The following ARMH4 variants were observed in gnomAD, a reference collection of about 807,000 sequenced individuals.
ARMH4 encodes the protein armadillo-like helical domain-containing protein 4.
In ARMH4, 49 loss-of-function variants were observed where a neutral mutation model predicts 61.9. The ratio of observed to expected loss-of-function variants is 0.79; its 90% CI spans 0.63 to 1.00. The LOEUF is 1.00. Among genes scored for constraint, ARMH4 ranks in the 50% least tolerant of loss-of-function variants. The pLI is 0.00. For synonymous variants in ARMH4, 368 were observed against 341.5 expected (o/e 1.08, Z -0.85); for missense variants, 934 against 930.0 (o/e 1.00, Z -0.06).
chr14:58,049,590 T>C (rs1265992202), intron 5 of ARMH4, among the ~76,000 whole-genome samples: 1 of 152,148 alleles, frequency 6.6e-6, no homozygotes, highest in Non-Finnish European at 1.5e-5. Flanking sequence ...GATGCAGAGA[T>C]GATTATGACC....
chr14:58,080,190 C>T lies in ARMH4; in HGVS notation c.2089+16534G>A, dbSNP rs534486720. On this transcript the variant is annotated intron_variant, in intron 5 of 7. Transcript: ENST00000267485. ...TGTTGCCCAGGCTGGAGTGCAATGG[C>T]GCAATCTCAGCTCACCGCAACCTCC... Among the ~76,000 whole-genome samples the T allele has an allele frequency of 2.0e-4, 31 of 151,658 alleles. No homozygotes were observed. The South Asian group carries it at 5.2e-3, about 26-fold the overall frequency.
In ARMH4 at chr14:58,138,212, C is replaced by G; in HGVS notation, c.1147G>C (p.Ala383Pro). Residue 383 changes from alanine to proline, a missense_variant, in exon 2 of 8, where the codon GCG becomes CCG. Coordinates refer to ENST00000267485, the MANE Select transcript of ARMH4 (RefSeq NM_001001872.4). ...GCAGGTGATCTCTCATTCCCATGCG[C>G]TATTAGCAGGGCTGTGCCCGTGTGT... ...ETHTGTALLIAHGNERSPAFT... is the reference protein window; with the variant it reads ...ETHTGTALLIPHGNERSPAFT... 6.2e-7 allele frequency: 1 copy of G among 1,614,212 alleles called. No individual in the cohort carries two copies. Among genetic ancestry groups the G allele is most frequent in the Non-Finnish European group, 8.5e-7 (1 of 1,180,036 alleles).
chr14:58,027,848 T>A (rs1449859384), intron 5 of ARMH4, among the ~76,000 whole-genome samples: 1 of 152,204 alleles, frequency 6.6e-6, no homozygotes, highest in African/African-American at 2.4e-5. Context: ...TATGTACAGC[T>A]TCTTATACAT....
intron 5 of ARMH4, among the ~76,000 whole-genome samples, chr14:58,089,879 C>T (rs757412201): frequency 6.6e-6 from 1 of 152,176 alleles, no homozygotes; most frequent in Non-Finnish European, 1.5e-5. Context: ...CCACTGACCT[C>T]ACATTTATGA....
intron 5 of ARMH4, among the ~76,000 whole-genome samples, chr14:58,046,927 A>G (rs1389697161): frequency 3.3e-5 from 5 of 152,240 alleles, no homozygotes; most frequent in African/African-American, 1.2e-4. Context: ...ACCAAAACAA[A>G]TTCCTAAATT....
At chr14:58,095,936 A>G (rs1201040401) in intron 5 of ARMH4, among the ~76,000 whole-genome samples, 2 of 152,170 alleles carry the variant, frequency 1.3e-5, no homozygotes, top group Admixed American at 6.6e-5. Flanking sequence ...AGATTAATTC[A>G]CCTCAGGTCA....
At chr14:58,050,690 G>C (rs570506791) in intron 5 of ARMH4, among the ~76,000 whole-genome samples, 2 of 151,180 alleles carry the variant, frequency 1.3e-5, no homozygotes, top group Non-Finnish European at 2.9e-5. Context: ...TAACATTTAT[G>C]TAAAATTTAC....
chr14:58,050,452 A>G (rs1884099168), intron 5 of ARMH4, among the ~76,000 whole-genome samples: 1 of 152,186 alleles, frequency 6.6e-6, no homozygotes, highest in Non-Finnish European at 1.5e-5. Flanking sequence ...GTGGCAAACC[A>G]ATCACCCATG....
intron 5 of ARMH4, among the ~76,000 whole-genome samples, chr14:58,040,119 T>C (rs67827119): frequency 0.063 from 9,527 of 152,170 alleles, 384 homozygotes; most frequent in African/African-American, 0.11. Context: ...CCAGAGCCAG[T>C]GGAGCTGATG....
At chr14:58,057,194 AG>A (rs1402872279) in intron 5 of ARMH4, among the ~76,000 whole-genome samples, 14 of 152,248 alleles carry the variant, frequency 9.2e-5, no homozygotes. Flanking sequence ...AGCGATGTTA[AG>A]CGAAATTGTC....
rs529279744 is a variant in ARMH4, at chr14:58,024,197, A to G, written c.2090-12047T>C. ...TAAAAGTCCTATATAACATCTTCCA[A>G]TATAAGATTGTTTCATCTGCAATGA... On this transcript the variant is annotated intron_variant, in intron 5 of 7. Transcript: ENST00000267485. Among the ~76,000 whole-genome samples the G allele has an allele frequency of 1.3e-4, 20 of 152,312 alleles. No individual in the cohort carries two copies. In the South Asian group the frequency reaches 3.9e-3, roughly 30 times the overall value.
At chr14:58,052,490 G>C (rs1362590520) in intron 5 of ARMH4, among the ~76,000 whole-genome samples, 1 of 151,980 alleles carries the variant, frequency 6.6e-6, no homozygotes, top group Non-Finnish European at 1.5e-5. Flanking sequence ...CTGTCCGTTT[G>C]TGTTGGTTTG....
intron 1 of ARMH4, among the ~76,000 whole-genome samples, chr14:58,146,908 A>G (rs990509562): frequency 3.9e-5 from 6 of 152,230 alleles, no homozygotes; most frequent in Admixed American, 3.3e-4. Flanking sequence ...TTAAGGCACA[A>G]TGAGCATCGC....
intron 6 of ARMH4, among the ~76,000 whole-genome samples, chr14:58,008,522 A>G (rs1882268699): frequency 2.0e-5 from 3 of 152,226 alleles, no homozygotes; most frequent in Admixed American, 6.5e-5. Flanking sequence ...TTAGGATAAC[A>G]TATTTATTCA....
chr14:58,139,006 C>T lies in ARMH4; in HGVS notation c.353G>A (p.Gly118Asp), dbSNP rs748246808. The T allele has an allele frequency of 6.2e-7, 1 of 1,614,210 alleles. No homozygotes were observed. Among genetic ancestry groups the T allele is most frequent in the Admixed American group, 1.7e-5 (1 of 60,008 alleles). Residue 118 changes from glycine (G) to aspartate (D), a missense_variant, in exon 2 of 8, where the codon GGT (glycine) becomes GAT (aspartate). Coordinates refer to ENST00000267485, the MANE Select transcript of ARMH4 (RefSeq NM_001001872.4). ...AAATACTTCTTCAGCTGAGGGGACA[C>T]CTGACTCAGTAGGTGTGGAAACACC... ...RPGVSTPTES[G>D]VPSAEEVFGS...
intron 6 of ARMH4, among the ~76,000 whole-genome samples, chr14:58,011,858 G>C (rs1409551648): frequency 1.3e-5 from 2 of 151,730 alleles, no homozygotes; most frequent in African/African-American, 4.8e-5. Context: ...ATTATTCTGT[G>C]GAGCATATCA....
At chr14:58,056,768 T>C (rs948516209) in intron 5 of ARMH4, among the ~76,000 whole-genome samples, 48 of 152,316 alleles carry the variant, frequency 3.2e-4, no homozygotes, top group African/African-American at 1.2e-3. Flanking sequence ...TAGTTGTCCA[T>C]TGAAACCCAT....
chr14:58,018,481 GAC>G (rs1323139289), intron 5 of ARMH4, among the ~76,000 whole-genome samples: 2 of 142,720 alleles, frequency 1.4e-5, no homozygotes, highest in African/African-American at 5.2e-5. Flanking sequence ...AAAAAAAAAA[GAC>G]AAACTAATGG....
At chr14:58,083,683 A>G (rs1885297687) in intron 5 of ARMH4, among the ~76,000 whole-genome samples, 1 of 152,230 alleles carries the variant, frequency 6.6e-6, no homozygotes, top group Admixed American at 6.5e-5. Context: ...CCTTTGAACT[A>G]TTTTACAACT....
Sources: gnomAD v4.1 joint callset for allele counts (sites outside exome capture counted in the v4.1 genomes callset) on GRCh38, gnomAD v4.1.1 for gene constraint, MANE v1.5 for transcripts, NCBI Gene and HGNC (gene_info 2026-07-23, HGNC 2026-07-21) for gene names.